EPB41L4A: variants seen among roughly 807,000 people sequenced by gnomAD.
The protein encoded by EPB41L4A is band 4.1-like protein 4A.
In EPB41L4A, 100 loss-of-function variants were observed where a neutral mutation model predicts 108.6. The observed-to-expected ratio is 0.92, with a 90% CI of 0.78 to 1.09. The LOEUF is 1.09. EPB41L4A is among the 50% of genes least tolerant of loss of function. EPB41L4A has a pLI of 0.00. For missense variants in EPB41L4A, 1,030 were observed against 842.7 expected (o/e 1.22, Z -2.75); for synonymous variants, 319 against 289.0 (o/e 1.10, Z -1.05).
chr5:112,217,360 G>T (rs1353677183), intron 12 of EPB41L4A, among the ~76,000 whole-genome samples: 1 of 152,162 alleles, frequency 6.6e-6, no homozygotes, highest in Non-Finnish European at 1.5e-5. Flanking sequence ...AATTGTTTAA[G>T]TTCAAACACC....
In EPB41L4A at chr5:112,353,217, C is replaced by G. The variant is rs190598065; in HGVS notation, c.100-45727G>C. ...AGGCCTCAGCAGTGGCAGCAGTGAA[C>G]CAAGCATGCCTGTTGGCATGCTTGA... On this transcript the variant is annotated intron_variant, in intron 1 of 22. Transcript: ENST00000261486. 3.4e-4 allele frequency among the ~76,000 whole-genome samples: 51 copies of G among 151,662 alleles called. 1 individual carries two copies. The East Asian group carries it at 9.5e-3, about 28-fold the overall frequency.
intron 9 of EPB41L4A, among the ~76,000 whole-genome samples, chr5:112,246,919 T>C (rs966952558): frequency 1.5e-4 from 23 of 152,168 alleles, no homozygotes; most frequent in African/African-American, 5.5e-4. Flanking sequence ...AAAATCATCT[T>C]TGGAGAAAGG....
intron 1 of EPB41L4A, among the ~76,000 whole-genome samples, chr5:112,383,001 A>G (rs1052401102): frequency 2.6e-5 from 4 of 152,222 alleles, no homozygotes; most frequent in African/African-American, 9.7e-5. Flanking sequence ...ACCCTTTGAG[A>G]AGCTAGAAAG....
At chr5:112,286,866 GAAA>G in intron 2 of EPB41L4A, among the ~76,000 whole-genome samples, 1 of 142,858 alleles carries the variant, frequency 7.0e-6, no homozygotes, top group Non-Finnish European at 1.5e-5. Flanking sequence ...CTCTGGATGA[GAAA>G]AAAAAAAAAA....
At chr5:112,260,972 C>A (rs1465524896) in intron 7 of EPB41L4A, among the ~76,000 whole-genome samples, 1 of 152,144 alleles carries the variant, frequency 6.6e-6, no homozygotes, top group East Asian at 1.9e-4. Context: ...AAGGTGATTT[C>A]TAATTAGGAT....
chr5:112,329,736 G>A (rs1212861348), intron 1 of EPB41L4A, among the ~76,000 whole-genome samples: 1 of 152,008 alleles, frequency 6.6e-6, no homozygotes, highest in Non-Finnish European at 1.5e-5. Flanking sequence ...CTCTCTACAG[G>A]AAAAAGGGGG....
Position 112,418,988 on chromosome 5 carries a change from G to A in EPB41L4A, c.52C>T (p.Leu18=), listed in dbSNP as rs769231637. 1.2e-6 allele frequency: 2 copies of A among 1,613,634 alleles called. No homozygotes were observed. Among genetic ancestry groups the A allele is most frequent in the Non-Finnish European group, 1.7e-6 (2 of 1,179,734 alleles). ...PEEFYCEVLL[L]DESKLTLTTQ... ...GTAAGGGTTAACTTGGATTCATCCA[G>A]GAGCAAAACTTCGCAGTAAAATTCT... The change falls in exon 1 of 23, where the codon CTG becomes TTG. Residue 18 remains leucine (L), a synonymous_variant. Coordinates refer to ENST00000261486, the MANE Select transcript of EPB41L4A (RefSeq NM_022140.5).
intron 13 of EPB41L4A, 39 bp from the exon 14 acceptor site, chr5:112,205,543 A>G (rs1762432535): frequency 7.0e-7 from 1 of 1,436,320 alleles, no homozygotes; most frequent in African/African-American, 1.4e-5. Flanking sequence ...TAAATTAAGT[A>G]GAAAATAAAA....
intron 2 of EPB41L4A, among the ~76,000 whole-genome samples, chr5:112,303,777 A>G (rs1754525019): frequency 6.6e-6 from 1 of 152,150 alleles, no homozygotes; most frequent in Non-Finnish European, 1.5e-5. Context: ...TTAGGAAACA[A>G]TGGGATTTCA....
intron 9 of EPB41L4A, among the ~76,000 whole-genome samples, chr5:112,246,570 C>T (rs190201830): frequency 1.4e-4 from 22 of 152,292 alleles, no homozygotes; most frequent in East Asian, 1.2e-3. Flanking sequence ...TGAAAAGCTA[C>T]ATGCCTCCCC....
chr5:112,220,057 C>G (rs558212860), intron 12 of EPB41L4A, among the ~76,000 whole-genome samples: 1 of 152,288 alleles, frequency 6.6e-6, no homozygotes, highest in South Asian at 2.1e-4. Context: ...TTACATGTAT[C>G]AAATCTATTT....
chr5:112,219,379 G>T (rs557401730), intron 12 of EPB41L4A, among the ~76,000 whole-genome samples: 1 of 152,244 alleles, frequency 6.6e-6, no homozygotes, highest in African/African-American at 2.4e-5. Context: ...CATGCCTTCT[G>T]CCATGATTCC....
chr5:112,160,634 T>G (rs1759829531), downstream of EPB41L4A: 1 of 153,322 alleles, frequency 6.5e-6, no homozygotes, highest in Non-Finnish European at 1.5e-5. Flanking sequence ...GGATACCTCC[T>G]CTGTGGAAAG....
At chr5:112,191,662 C>T (rs1196053678) in intron 17 of EPB41L4A, among the ~76,000 whole-genome samples, 1 of 149,992 alleles carries the variant, frequency 6.7e-6, no homozygotes, top group Non-Finnish European at 1.5e-5. Flanking sequence ...ACAGAAAAGA[C>T]CTCATTTATG....
At chr5:112,260,191 A>C (rs899811908) in intron 7 of EPB41L4A, among the ~76,000 whole-genome samples, 2 of 152,238 alleles carry the variant, frequency 1.3e-5, no homozygotes, top group Non-Finnish European at 2.9e-5. Context: ...GGCGTTCTTC[A>C]TACTTGTTAC....
intron 12 of EPB41L4A, among the ~76,000 whole-genome samples, chr5:112,213,731 C>G (rs1747414720): frequency 1.3e-5 from 2 of 152,264 alleles, no homozygotes; most frequent in African/African-American, 4.8e-5. Context: ...GTGAACTAGA[C>G]AAGCCTGGGT....
At chr5:112,178,438 T>C (rs1445884123) in intron 18 of EPB41L4A, among the ~76,000 whole-genome samples, 1 of 152,118 alleles carries the variant, frequency 6.6e-6, no homozygotes, top group Non-Finnish European at 1.5e-5. Flanking sequence ...ATCTGAACAC[T>C]ATCAGCTAAC....
chr5:112,324,170 A>G (rs1013415106), intron 1 of EPB41L4A, among the ~76,000 whole-genome samples: 9 of 152,224 alleles, frequency 5.9e-5, no homozygotes, highest in African/African-American at 2.2e-4. Context: ...TATTGTTTTA[A>G]GGAGAAGAGA....
At chr5:112,150,238 T>C (rs1759413653) in intron 12 of EPB41L4A, among the ~76,000 whole-genome samples, 1 of 152,074 alleles carries the variant, frequency 6.6e-6, no homozygotes, top group Non-Finnish European at 1.5e-5. Flanking sequence ...CTCAAATGGT[T>C]ATCACAAATT....
Sources: allele counts gnomAD v4.1 joint callset (sites outside exome capture counted in the v4.1 genomes callset), GRCh38; gene constraint gnomAD v4.1.1; transcripts MANE v1.5; gene names NCBI Gene and HGNC (gene_info 2026-07-23, HGNC 2026-07-21).